Variants in EPHA5 observed in about 807,000 individuals in gnomAD.
EPHA5 encodes ephrin type-A receptor 5.
In EPHA5, 60 loss-of-function variants were observed where a neutral mutation model predicts 105.0. The observed-to-expected ratio is 0.57, with a 90% CI of 0.46 to 0.71. The LOEUF (loss-of-function observed/expected upper bound fraction) is 0.71, where lower values mean the gene tolerates loss of function less well. Among genes scored for constraint, EPHA5 ranks in the 30% least tolerant of loss-of-function variants. The probability of loss-of-function intolerance (pLI) is 0.00; values close to 1 mark genes in which losing one functional copy is unlikely to be tolerated. For synonymous variants in EPHA5, 513 were observed against 449.1 expected, an observed-to-expected ratio of 1.14 and a Z score of -1.80; for missense variants, 1,218 against 1,274.7, an observed-to-expected ratio of 0.96 and a Z score of 0.68.
At chr4:65,372,263 G>C (rs115446439) in intron 8 of EPHA5, among the ~76,000 whole-genome samples, 1 of 151,780 alleles carries the variant, frequency 6.6e-6, no homozygotes, top group Non-Finnish European at 1.5e-5. Context: ...ACTAGACAAA[G>C]ATAGGATTAA....
intron 4 of EPHA5, among the ~76,000 whole-genome samples, chr4:65,491,083 C>G (rs1158682615): frequency 6.6e-6 from 1 of 151,744 alleles, no homozygotes; most frequent in East Asian, 1.9e-4. Flanking sequence ...TGGTGCTAAT[C>G]CCTGCAACCT....
intron 3 of EPHA5, among the ~76,000 whole-genome samples, chr4:65,586,020 G>A (rs1370109385): frequency 6.6e-6 from 1 of 151,440 alleles, no homozygotes; most frequent in Non-Finnish European, 1.5e-5. Context: ...AGGAGAAAAG[G>A]AAAATGAGGG....
At chr4:65,428,728 C>T (rs188883259) in intron 5 of EPHA5, among the ~76,000 whole-genome samples, 115 of 151,990 alleles carry the variant, frequency 7.6e-4, no homozygotes, top group Non-Finnish European at 1.4e-3. Context: ...TTAGTTGCTT[C>T]CAGCAGGAAA....
At chr4:65,561,272 T>C (rs1336765141) in intron 3 of EPHA5, among the ~76,000 whole-genome samples, 2 of 152,086 alleles carry the variant, frequency 1.3e-5, no homozygotes, top group Non-Finnish European at 2.9e-5. Context: ...GGAAGACCTA[T>C]CAAATGTCTA....
chr4:65,577,395 G>A (rs1294932140), intron 3 of EPHA5, among the ~76,000 whole-genome samples: 1 of 151,976 alleles, frequency 6.6e-6, no homozygotes, highest in East Asian at 1.9e-4. Context: ...TTAAAAATTA[G>A]TGACAATTGC....
At chr4:65,666,904 G>T (rs1750013358) in intron 1 of EPHA5, among the ~76,000 whole-genome samples, 1 of 152,082 alleles carries the variant, frequency 6.6e-6, no homozygotes, top group Non-Finnish European at 1.5e-5. Context: ...TAGAATAGCA[G>T]CTATGAATAT....
intron 7 of EPHA5, among the ~76,000 whole-genome samples, chr4:65,410,929 G>A (rs74852824): frequency 5.3e-4 from 81 of 152,154 alleles, no homozygotes; most frequent in African/African-American, 3.9e-4. Flanking sequence ...GATAGATTCC[G>A]TTACAGTCTC....
At chr4:65,393,268 T>C (rs1467225874) in intron 8 of EPHA5, among the ~76,000 whole-genome samples, 1 of 152,214 alleles carries the variant, frequency 6.6e-6, no homozygotes, top group Non-Finnish European at 1.5e-5. Flanking sequence ...TGAGTTCCTA[T>C]GGTGTTGGTC....
chr4:65,585,033 C>T (rs1452754882), intron 3 of EPHA5, among the ~76,000 whole-genome samples: 1 of 151,718 alleles, frequency 6.6e-6, no homozygotes, highest in Non-Finnish European at 1.5e-5. Flanking sequence ...TTCCCTCCAG[C>T]TCCAGTACTT....
At position 65,322,225 on chromosome 4, in the gene EPHA5, T is replaced by C. The variant is rs1165452154; in HGVS notation, c.*1889A>G. ...ACTGTTTAGATTTTTGTTGTGGTTA[T>C]TTTGATGTTTCCTGGTTCTTTAGAA... On this transcript the variant is annotated 3_prime_UTR_variant, in exon 17 of 17. Coordinates refer to ENST00000613740, the MANE Select transcript of EPHA5 (RefSeq NM_001281766.3). The C allele has an allele frequency of 2.7e-5, 6 of 224,074 alleles. No homozygotes were observed. Among genetic ancestry groups the C allele is most frequent in the East Asian group, 2.6e-4 (4 of 15,556 alleles). 13.9% of individuals were successfully genotyped at this position (224,074 alleles called of 1,614,324 possible). A position where few individuals can be genotyped will look rare whatever the true frequency, so the allele number is the denominator to read the frequency against.
chr4:65,658,655 A>T (rs892781613), intron 1 of EPHA5, among the ~76,000 whole-genome samples: 1 of 152,102 alleles, frequency 6.6e-6, no homozygotes, highest in Non-Finnish European at 1.5e-5. Context: ...CCATATTGTT[A>T]TAATAATCCC....
chr4:65,407,778 C>G lies in EPHA5; in HGVS notation c.1688-3299G>C, dbSNP rs562626436. Among the ~76,000 whole-genome samples, 57 of 151,502 alleles carry G rather than the reference C, an allele frequency of 3.8e-4. 2 individuals carry two copies. In the East Asian group the frequency reaches 0.01, roughly 27 times the overall value. ...TTACATTTTCTTTTTTTTGTGGAGA[C>G]AGGGTCTCACTTCGTCACCCAGGCT... is the stretch of plus-strand genomic sequence containing the variant. On this transcript the variant is annotated intron_variant, in intron 7 of 16. Transcript: ENST00000613740.
intron 8 of EPHA5, among the ~76,000 whole-genome samples, chr4:65,390,919 T>C (rs1233368444): frequency 1.3e-5 from 2 of 152,018 alleles, no homozygotes; most frequent in African/African-American, 4.8e-5. Flanking sequence ...TTTGTTTTCA[T>C]ACTGCTATAA....
chr4:65,632,065 T>C (rs1746688121), intron 2 of EPHA5, among the ~76,000 whole-genome samples: 1 of 152,018 alleles, frequency 6.6e-6, no homozygotes, highest in South Asian at 2.1e-4. Flanking sequence ...ATTGTAATCC[T>C]TATAACAACC....
intron 5 of EPHA5, among the ~76,000 whole-genome samples, chr4:65,466,606 T>A (rs1728742593): frequency 6.6e-6 from 1 of 152,160 alleles, no homozygotes; most frequent in Non-Finnish European, 1.5e-5. Flanking sequence ...AGTTATGACA[T>A]AATGGTGGTT....
chr4:65,388,781 G>A (rs1720399038), intron 8 of EPHA5, among the ~76,000 whole-genome samples: 1 of 149,964 alleles, frequency 6.7e-6, no homozygotes, highest in Non-Finnish European at 1.5e-5. Context: ...TCACTCTGAT[G>A]GTAGTTTCTT....
At chr4:65,543,155 C>T (rs183461175) in intron 3 of EPHA5, among the ~76,000 whole-genome samples, 4 of 152,078 alleles carry the variant, frequency 2.6e-5, no homozygotes, top group Admixed American at 2.6e-4. Context: ...CCTTTAAAAA[C>T]TAACACAAGA....
At chr4:65,441,521 T>G (rs1301830200) in intron 5 of EPHA5, among the ~76,000 whole-genome samples, 1 of 151,872 alleles carries the variant, frequency 6.6e-6, no homozygotes, top group Non-Finnish European at 1.5e-5. Flanking sequence ...ATAGGAAAAT[T>G]TTTAAAAAAG....
intron 6 of EPHA5, among the ~76,000 whole-genome samples, chr4:65,417,454 A>G (rs1439955013): frequency 6.6e-6 from 1 of 152,228 alleles, no homozygotes; most frequent in African/African-American, 2.4e-5. Context: ...TTTGGCTCAC[A>G]CACGATGGTC....
Sources: allele counts gnomAD v4.1 joint callset (sites outside exome capture counted in the v4.1 genomes callset), GRCh38; gene constraint gnomAD v4.1.1; transcripts MANE v1.5; gene names NCBI Gene and HGNC (gene_info 2026-07-23, HGNC 2026-07-21).